Variants in CLEC16A observed in about 807,000 individuals in gnomAD.
CLEC16A encodes the protein C-type lectin domain containing 16A.
A neutral mutation model predicts 109.5 loss-of-function variants in CLEC16A; 51 were observed. That is an observed-to-expected ratio of 0.47 (90% CI 0.37 to 0.59). CLEC16A has a LOEUF of 0.59. Ranked by LOEUF, CLEC16A falls within the 20% of genes least tolerant of loss-of-function variation. CLEC16A has a pLI of 0.00. For missense variants in CLEC16A, 1,339 were observed against 1,394.0 expected (o/e 0.96, Z 0.63); for synonymous variants, 673 against 564.2 (o/e 1.19, Z -2.73).
At chr16:11,175,990 T>C (rs1038376411) in intron 23 of CLEC16A, among the ~76,000 whole-genome samples, 9 of 152,224 alleles carry the variant, frequency 5.9e-5, no homozygotes, top group Non-Finnish European at 1.0e-4. Context: ...ACAGTGCCAT[T>C]TGGGGAATTA....
intron 22 of CLEC16A, among the ~76,000 whole-genome samples, chr16:11,159,445 A>C (rs563155780): frequency 6.6e-6 from 1 of 152,254 alleles, no homozygotes; most frequent in African/African-American, 2.4e-5. Context: ...TAGGATCCAC[A>C]GAAGTGTCTA....
chr16:11,026,876 C>T, intron 13 of CLEC16A: 4 of 661,746 alleles, frequency 6.0e-6, no homozygotes, highest in Non-Finnish European at 1.0e-5. Flanking sequence ...TTAGCAGGAC[C>T]TCAATGGCTC....
At chr16:11,171,537 A>C (rs1241108303) in intron 23 of CLEC16A, among the ~76,000 whole-genome samples, 1 of 152,230 alleles carries the variant, frequency 6.6e-6, no homozygotes, top group African/African-American at 2.4e-5. Context: ...TCGCCCACAC[A>C]TCCAGCAGAG....
intron 11 of CLEC16A, among the ~76,000 whole-genome samples, chr16:11,008,394 C>T (rs1286347248): frequency 3.3e-5 from 5 of 152,220 alleles, no homozygotes; most frequent in East Asian, 1.9e-4. Context: ...GACATCAGCC[C>T]GGGCGAGTTG....
At chr16:11,101,385 G>C (rs2050904764) in intron 19 of CLEC16A, among the ~76,000 whole-genome samples, 1 of 152,158 alleles carries the variant, frequency 6.6e-6, no homozygotes, top group Admixed American at 6.5e-5. Context: ...CAAAGGACAG[G>C]AGTTTCCCAA....
At chr16:10,969,710 G>GA (rs1567519113) in intron 4 of CLEC16A, among the ~76,000 whole-genome samples, 3 of 152,014 alleles carry the variant, frequency 2.0e-5, no homozygotes, top group Non-Finnish European at 4.4e-5. Context: ...TGGTAGAGAG[G>GA]AGACATGCCC....
At chr16:11,070,219 T>C (rs1362689854) in intron 19 of CLEC16A, among the ~76,000 whole-genome samples, 1 of 152,058 alleles carries the variant, frequency 6.6e-6, no homozygotes. Context: ...TACAGGCGCG[T>C]GCCACCACGC....
Position 10,957,890 on chromosome 16 carries a change from A to C in CLEC16A, c.189A>C (p.Gln63His). 1 of 1,613,950 alleles carries C rather than the reference A, an allele frequency of 6.2e-7. No homozygotes were observed. ...CTGAGATCCTGATCTGGGGAGATCAAAATGACAGCTCTGTATTTGAGTAAG... is the reference window on the plus strand; with the variant it reads ...CTGAGATCCTGATCTGGGGAGATCACAATGACAGCTCTGTATTTGAGTAAG... ...SITEILIWGD[Q>H]NDSSVFDFFL... The change falls in exon 2 of 24, where the codon CAA (glutamine) becomes CAC (histidine). Residue 63 changes from glutamine to histidine, a missense_variant. Gln to His is a conservative substitution (Grantham distance 24, BLOSUM62 0). Coordinates refer to ENST00000409790, the MANE Select transcript of CLEC16A (RefSeq NM_015226.3).
chr16:11,009,911 C>T (rs984547186), intron 11 of CLEC16A, among the ~76,000 whole-genome samples: 3 of 152,048 alleles, frequency 2.0e-5, no homozygotes, highest in Non-Finnish European at 4.4e-5. Flanking sequence ...CCCAGCACTT[C>T]GGGAGGCCAA....
intron 19 of CLEC16A, among the ~76,000 whole-genome samples, chr16:11,095,084 T>TA (rs1351304981): frequency 3.5e-5 from 2 of 56,732 alleles, no homozygotes; most frequent in Non-Finnish European, 6.6e-5. Context: ...GTTGCTAATC[T>TA]TTTTTTTTCT....
chr16:11,047,374 G>T (rs1262738919), intron 17 of CLEC16A, 32 bp downstream of exon 17: 1 of 1,543,052 alleles, frequency 6.5e-7, no homozygotes, highest in African/African-American at 1.4e-5. Context: ...ACTTGGGCTG[G>T]TGTGCGCCTG....
intron 19 of CLEC16A, among the ~76,000 whole-genome samples, chr16:11,112,876 C>A (rs913833559): frequency 1.3e-5 from 2 of 152,160 alleles, no homozygotes; most frequent in African/African-American, 4.8e-5. Flanking sequence ...GGGCCTGGTT[C>A]CTCCCCAGAA....
chr16:11,109,930 C>T (rs1379506107), intron 19 of CLEC16A, among the ~76,000 whole-genome samples: 1 of 152,220 alleles, frequency 6.6e-6, no homozygotes, highest in Non-Finnish European at 1.5e-5. Context: ...CTGGATATCC[C>T]CCTGTAAGGA....
At chr16:11,171,403 G>A (rs535435232) in intron 23 of CLEC16A, among the ~76,000 whole-genome samples, 21 of 152,346 alleles carry the variant, frequency 1.4e-4, no homozygotes, top group Non-Finnish European at 2.2e-4. Context: ...CTGATGACCC[G>A]AGCAACTGTG....
intron 22 of CLEC16A, among the ~76,000 whole-genome samples, chr16:11,145,834 A>G (rs1024337943): frequency 2.0e-5 from 3 of 152,240 alleles, no homozygotes. Flanking sequence ...AGTCGGGTCA[A>G]GTGTCTCCTC....
intron 20 of CLEC16A, among the ~76,000 whole-genome samples, chr16:11,122,778 C>G (rs538150851): frequency 3.4e-4 from 51 of 152,096 alleles, no homozygotes; most frequent in African/African-American, 1.1e-3. Flanking sequence ...ATGCAGAGTC[C>G]GTTCTGAGGT....
Position 11,126,113 on chromosome 16 carries a change from C to G in CLEC16A, c.2608C>G (p.Arg870Gly), listed in dbSNP as rs200634391. 2 of 1,613,768 alleles carry G rather than the reference C, an allele frequency of 1.2e-6. No homozygotes were observed. The highest frequency in any genetic ancestry group is 1.7e-6 in the Non-Finnish European group (2 of 1,179,886). The change falls in exon 22 of 24, where the codon CGC becomes GGC. Residue 870 changes from arginine to glycine, a missense_variant. Transcript: ENST00000409790. Reference protein sequence around the residue: ...RRGSSDPTVQRSVFASVDKVP... With the variant: ...RRGSSDPTVQGSVFASVDKVP... Reference sequence around the variant, plus strand: ...GGGCAGCAGCGACCCCACAGTGCAGCGCTCCGTGTTTGCATCGGTGGACAA... The same window carrying G: ...GGGCAGCAGCGACCCCACAGTGCAGGGCTCCGTGTTTGCATCGGTGGACAA...
chr16:11,170,849 G>C (rs574567199), intron 23 of CLEC16A, among the ~76,000 whole-genome samples: 1 of 152,344 alleles, frequency 6.6e-6, no homozygotes, highest in African/African-American at 2.4e-5. Context: ...GTTACAAACC[G>C]TGACAAAGGA....
chr16:10,945,773 T>G (rs988846911), intron 1 of CLEC16A, among the ~76,000 whole-genome samples: 10 of 152,124 alleles, frequency 6.6e-5, no homozygotes, highest in Admixed American at 3.3e-4. Flanking sequence ...CCTAACGTGC[T>G]CCCCCCATCC....
Sources: allele counts gnomAD v4.1 joint callset (sites outside exome capture counted in the v4.1 genomes callset), GRCh38; gene constraint gnomAD v4.1.1; transcripts MANE v1.5; gene names NCBI Gene and HGNC (gene_info 2026-07-23, HGNC 2026-07-21).